The following MAML3 variants were observed in gnomAD, a reference collection of about 807,000 sequenced individuals.
The protein encoded by MAML3 is mastermind-like protein 3.
Under a neutral mutation model 101.9 loss-of-function variants are expected in MAML3, and 27 were observed. The ratio of observed to expected loss-of-function variants is 0.27; its 90% CI spans 0.20 to 0.37. The LOEUF is 0.37. MAML3 is among the 10% of genes least tolerant of loss of function. The pLI, the probability that MAML3 is intolerant of heterozygous loss-of-function variation, is 1.00. For missense variants in MAML3, 1,316 were observed against 1,444.9 expected, an observed-to-expected ratio of 0.91 and a Z score of 1.45; for synonymous variants, 501 against 555.9, an observed-to-expected ratio of 0.90 and a Z score of 1.39.
intron 1 of MAML3, among the ~76,000 whole-genome samples, chr4:140,142,984 C>T (rs578119501): frequency 2.0e-5 from 3 of 152,338 alleles, no homozygotes; most frequent in South Asian, 4.1e-4. Context: ...ACCACACCAA[C>T]TAATCCTCTC....
intron 1 of MAML3, among the ~76,000 whole-genome samples, chr4:140,137,864 A>G (rs1173133414): frequency 6.6e-6 from 1 of 152,224 alleles, no homozygotes; most frequent in African/African-American, 2.4e-5. Context: ...CTACCAAACC[A>G]GTAACACAAA....
intron 1 of MAML3, among the ~76,000 whole-genome samples, chr4:139,919,658 T>G (rs1389062834): frequency 1.3e-5 from 2 of 152,194 alleles, no homozygotes; most frequent in African/African-American, 2.4e-5. Context: ...CAAGACTTCA[T>G]GGAATGTGGA....
chr4:139,989,878 CACACAGAG>C lies in MAML3; in HGVS notation c.469-98919_469-98912del, dbSNP rs775516910. On this transcript the variant is annotated intron_variant, in intron 1 of 4. Coordinates refer to ENST00000509479, the MANE Select transcript of MAML3 (RefSeq NM_018717.5). ...ACACACACACACACACACACACACA[CACACAGAG>C]AGAGAGAGAGAGAGAAAGAGAGAGA... 1.4e-3 allele frequency among the ~76,000 whole-genome samples: 70 copies of C among 49,066 alleles called. 1 individual carries two copies. The highest frequency in any genetic ancestry group is 6.6e-3 in the East Asian group (4 of 602). 32.2% of individuals were successfully genotyped at this position (49,066 alleles called of 152,430 possible).
intron 2 of MAML3, among the ~76,000 whole-genome samples, chr4:139,750,607 G>T (rs535027530): frequency 6.6e-6 from 1 of 152,268 alleles, no homozygotes; most frequent in East Asian, 1.9e-4. Context: ...CTCCTCCATT[G>T]TTCACTCTGT....
intron 2 of MAML3, among the ~76,000 whole-genome samples, chr4:139,768,475 T>A (rs1180537314): frequency 6.6e-6 from 1 of 152,218 alleles, no homozygotes; most frequent in Non-Finnish European, 1.5e-5. Flanking sequence ...CAAGTCTTAG[T>A]ATTTACTATT....
In MAML3 at chr4:139,725,901, C is replaced by T. The variant is rs11941741; in HGVS notation, c.2332-66G>A. On this transcript the variant is annotated intron_variant, in intron 3 of 4. Transcript: ENST00000509479. The stretch of plus-strand genomic sequence containing the variant: ...GGGAGCAAGCACACAATTCAATATC[C>T]CAGCAGTTCCGAGGAAGGTAGTGTT... 15,251 of 1,329,818 alleles carry T rather than the reference C, an allele frequency of 0.011. 869 individuals carry two copies. In the African/African-American group the frequency reaches 0.15, roughly 13 times the overall value. 82.4% of individuals were successfully genotyped at this position (1,329,818 alleles called of 1,614,324 possible).
chr4:140,109,881 C>A (rs1172399628), intron 1 of MAML3, among the ~76,000 whole-genome samples: 1 of 152,230 alleles, frequency 6.6e-6, no homozygotes, highest in Non-Finnish European at 1.5e-5. Context: ...GCTTATCTGT[C>A]CAAAGCCACT....
chr4:139,730,473 G>T lies in MAML3; in HGVS notation c.2274C>A (p.Phe758Leu). Residue 758 changes from phenylalanine (F) to leucine (L), a missense_variant, in exon 3 of 5, where the codon TTC becomes TTA. By Grantham distance (22) the Phe-to-Leu change is conservative. Coordinates refer to ENST00000509479, the MANE Select transcript of MAML3 (RefSeq NM_018717.5). Reference sequence around the variant, plus strand: ...GCTGCTGCTGCCTTTGCTCCCGCAGGAACTGTTGCTTCTGCTGCTCTATCA... The same window carrying T: ...GCTGCTGCTGCCTTTGCTCCCGCAGTAACTGTTGCTTCTGCTGCTCTATCA... ...AQLIEQQKQQFLREQRQQQQQ... is the reference protein window; with the variant it reads ...AQLIEQQKQQLLREQRQQQQQ... 6.4e-7 allele frequency: 1 copy of T among 1,552,870 alleles called. No homozygotes were observed. The highest frequency in any genetic ancestry group is 8.7e-7 in the Non-Finnish European group (1 of 1,147,670).
intron 1 of MAML3, among the ~76,000 whole-genome samples, chr4:140,083,953 CACACACACACACACAGAGAGAGAGAG>C (rs948061980): frequency 1.9e-4 from 5 of 26,514 alleles, no homozygotes; most frequent in Non-Finnish European, 3.1e-4. Flanking sequence ...CACACACACA[CACACACACACACACAGAGAGAGAGAG>C]AGAGAGAGAG....
intron 1 of MAML3, among the ~76,000 whole-genome samples, chr4:140,019,635 A>G (rs1212352298): frequency 3.9e-5 from 6 of 152,190 alleles, no homozygotes; most frequent in Admixed American, 3.3e-4. Flanking sequence ...TTCCACTGCT[A>G]TACAATCTAG....
Position 139,890,741 on chromosome 4 carries a change from C to G in MAML3, c.695G>C (p.Ser232Thr). 6.2e-7 allele frequency: 1 copy of G among 1,614,038 alleles called. No individual in the cohort carries two copies. The highest frequency in any genetic ancestry group is 1.1e-5 in the South Asian group (1 of 91,082). The change falls in exon 2 of 5, where the codon AGT becomes ACT. Residue 232 changes from serine (S) to threonine (T), a missense_variant. By Grantham distance (58) the Ser-to-Thr change is moderately conservative. Coordinates refer to ENST00000509479, the MANE Select transcript of MAML3 (RefSeq NM_018717.5). This position sits in a 1 kb window ranked among gnomAD's most constrained non-coding sequence, Gnocchi z 4.1. ...TAGAAGCCCAGGAGTGTGAGTTCCA[C>G]TGTTCTGCAAGGGCAAAGAAGGTTT... ...DLKPSLPLQNSGTHTPGLLED... is the reference protein window; with the variant it reads ...DLKPSLPLQNTGTHTPGLLED...
At chr4:140,086,722 G>T (rs1727957809) in intron 1 of MAML3, among the ~76,000 whole-genome samples, 1 of 152,008 alleles carries the variant, frequency 6.6e-6, no homozygotes, top group Admixed American at 6.6e-5. Flanking sequence ...GAGAGAAGAG[G>T]GGAAGGGGAC....
intron 1 of MAML3, 77 bp downstream of exon 1, chr4:140,152,783 T>G: frequency 6.4e-7 from 1 of 1,552,488 alleles, no homozygotes; most frequent in Non-Finnish European, 8.7e-7. Context: ...TACCCCCATG[T>G]AAGAAGCTCC....
chr4:140,041,020 T>A (rs1165068445), intron 1 of MAML3, among the ~76,000 whole-genome samples: 3 of 152,114 alleles, frequency 2.0e-5, no homozygotes, highest in Non-Finnish European at 4.4e-5. Flanking sequence ...ATCATTTTGT[T>A]GTTTGACAAA....
intron 2 of MAML3, among the ~76,000 whole-genome samples, chr4:139,834,218 C>T (rs1367643972): frequency 1.3e-5 from 2 of 152,258 alleles, no homozygotes; most frequent in Non-Finnish European, 2.9e-5. Flanking sequence ...AGGACTCACA[C>T]ACTTCTGTTG....
intron 1 of MAML3, among the ~76,000 whole-genome samples, chr4:140,034,144 C>G (rs1032308670): frequency 2.0e-5 from 3 of 152,184 alleles, no homozygotes; most frequent in African/African-American, 7.2e-5. Context: ...AGACAAGAAT[C>G]AGGATGGAGG....
chr4:139,768,870 T>C (rs1290554225), intron 2 of MAML3, among the ~76,000 whole-genome samples: 2 of 152,136 alleles, frequency 1.3e-5, no homozygotes, highest in Admixed American at 1.3e-4. Flanking sequence ...AATTATATAT[T>C]TTCCCCCCTT....
chr4:140,133,837 T>A (rs1728837213), intron 1 of MAML3, among the ~76,000 whole-genome samples: 1 of 152,220 alleles, frequency 6.6e-6, no homozygotes, highest in Non-Finnish European at 1.5e-5. Flanking sequence ...ATAATCAGAA[T>A]GTCTGTCTCA....
At chr4:139,835,160 A>G (rs1374093419) in intron 2 of MAML3, among the ~76,000 whole-genome samples, 1 of 152,282 alleles carries the variant, frequency 6.6e-6, no homozygotes, top group Non-Finnish European at 1.5e-5. Context: ...TGTTTTCACT[A>G]AGAGCAGGGG....
Sources: allele counts gnomAD v4.1 joint callset (sites outside exome capture counted in the v4.1 genomes callset), GRCh38; gene constraint gnomAD v4.1.1; non-coding constraint Gnocchi (gnomAD v3.1); transcripts MANE v1.5; gene names NCBI Gene and HGNC (gene_info 2026-07-23, HGNC 2026-07-21).